The following AGPS variants were observed in gnomAD, a reference collection of about 807,000 sequenced individuals.
AGPS encodes alkyldihydroxyacetonephosphate synthase, peroxisomal.
Under a neutral mutation model 90.7 loss-of-function variants are expected in AGPS, and 26 were observed. That is an observed-to-expected ratio of 0.29 (90% confidence interval 0.21 to 0.40). The LOEUF is 0.40. AGPS is among the 10% of genes least tolerant of loss of function. The pLI is 1.00. For synonymous variants in AGPS, 294 were observed against 285.3 expected (o/e 1.03, Z -0.31); for missense variants, 540 against 816.1 (o/e 0.66, Z 4.12).
chr2:177,497,748 A>C lies in AGPS; in HGVS notation c.1345A>C (p.Lys449Gln), dbSNP rs1267149388. 6.5e-7 allele frequency: 1 copy of C among 1,547,378 alleles called. No homozygotes were observed. The highest frequency in any genetic ancestry group is 8.9e-7 in the Non-Finnish European group (1 of 1,124,716). The stretch of plus-strand genomic sequence containing the variant: ...TACATCATTTTTGGACGGATTAAAA[A>C]AGTTTTATATTACAAAGGTAAGAAT... ...IFTSFLDGLK[K>Q]FYITKFKGFD... Residue 449 changes from lysine to glutamine, a missense_variant, in exon 13 of 20, where the codon AAG (lysine) becomes CAG (glutamine). Physicochemically the swap from Lys to Gln is moderately conservative, Grantham distance 53. Transcript: ENST00000264167.
At chr2:177,515,405 T>C (rs578006706) in intron 17 of AGPS, among the ~76,000 whole-genome samples, 48 of 152,302 alleles carry the variant, frequency 3.2e-4, no homozygotes, top group African/African-American at 1.1e-3. Flanking sequence ...TATTCTTGTG[T>C]AGTTGAGAAA....
intron 8 of AGPS, among the ~76,000 whole-genome samples, chr2:177,452,697 A>G (rs951285660): frequency 1.3e-5 from 2 of 151,882 alleles, no homozygotes; most frequent in Non-Finnish European, 2.9e-5. Context: ...TTTAGTTTAA[A>G]TCTGTCATCT....
At chr2:177,514,741 G>A (rs1338690172) in intron 17 of AGPS, among the ~76,000 whole-genome samples, 1 of 151,908 alleles carries the variant, frequency 6.6e-6, no homozygotes, top group Non-Finnish European at 1.5e-5. Context: ...TGTTCCCATT[G>A]GGAAGAGATA....
intron 19 of AGPS, among the ~76,000 whole-genome samples, chr2:177,525,916 C>T (rs1368127629): frequency 2.0e-5 from 3 of 152,094 alleles, no homozygotes; most frequent in African/African-American, 4.8e-5. Context: ...TCAGATGTAC[C>T]CCAGACACTG....
At chr2:177,499,783 A>C (rs552049948) in intron 14 of AGPS, 53 bp downstream of exon 14, 16 of 1,179,358 alleles carry the variant, frequency 1.4e-5, no homozygotes, top group Non-Finnish European at 1.8e-5. Context: ...CTAAGATTCT[A>C]ATATCACCAA....
At chr2:177,400,634 G>A (rs1685306983) in intron 1 of AGPS, among the ~76,000 whole-genome samples, 1 of 152,126 alleles carries the variant, frequency 6.6e-6, no homozygotes, top group Admixed American at 6.5e-5. Context: ...TTATATGATT[G>A]CATATAACAT....
At chr2:177,491,767 C>G (rs940197852) in intron 11 of AGPS, among the ~76,000 whole-genome samples, 7 of 116,040 alleles carry the variant, frequency 6.0e-5, no homozygotes, top group African/African-American at 2.0e-4. Context: ...CCTTCCCCCC[C>G]CCCCCCTTTT....
intron 2 of AGPS, among the ~76,000 whole-genome samples, chr2:177,432,334 AAAG>A (rs1686267469): frequency 1.3e-5 from 2 of 152,208 alleles, no homozygotes; most frequent in Non-Finnish European, 2.9e-5. Context: ...CAGTCATGGA[AAAG>A]AAGAAGATCC....
At chr2:177,400,749 G>A (rs1324603689) in intron 1 of AGPS, among the ~76,000 whole-genome samples, 1 of 152,182 alleles carries the variant, frequency 6.6e-6, no homozygotes, top group Non-Finnish European at 1.5e-5. Flanking sequence ...TCTATTTATA[G>A]TTGCTGTGTC....
At chr2:177,432,891 C>A (rs1440787371) in intron 2 of AGPS, among the ~76,000 whole-genome samples, 1 of 152,172 alleles carries the variant, frequency 6.6e-6, no homozygotes, top group East Asian at 1.9e-4. Flanking sequence ...AAACTGAAAG[C>A]AAGAGAGAGA....
intron 7 of AGPS, among the ~76,000 whole-genome samples, chr2:177,443,698 G>T (rs1237322716): frequency 1.3e-5 from 2 of 152,170 alleles, no homozygotes; most frequent in Admixed American, 6.5e-5. Context: ...TTATTTTATT[G>T]TAAGGTTCCC....
chr2:177,498,951 C>T (rs1688483995), intron 13 of AGPS, among the ~76,000 whole-genome samples: 1 of 151,702 alleles, frequency 6.6e-6, no homozygotes, highest in Non-Finnish European at 1.5e-5. Flanking sequence ...ACCTATTATT[C>T]TAGAAAAATT....
intron 2 of AGPS, among the ~76,000 whole-genome samples, chr2:177,429,586 TGTTTG>T (rs1686179485): frequency 2.0e-5 from 3 of 152,164 alleles, no homozygotes; most frequent in Admixed American, 1.3e-4. Context: ...TGCTGTGGTT[TGTTTG>T]GGGATTGCTC....
chr2:177,459,369 T>C lies in AGPS; in HGVS notation c.871-2524T>C, dbSNP rs145551327. Among the ~76,000 whole-genome samples the C allele has an allele frequency of 8.0e-3, 1,222 of 152,238 alleles. 15 individuals are homozygous for C. Among genetic ancestry groups the C allele is most frequent in the African/African-American group, 0.027 (1,138 of 41,544 alleles). The stretch of plus-strand genomic sequence containing the variant: ...TTCTGCACAGCAAAAGAAACTATCA[T>C]CAGAGTGAACAGGCAACCTACAGAA... On this transcript the variant is annotated intron_variant, in intron 8 of 19. Transcript: ENST00000264167.
chr2:177,404,949 T>C (rs1685425154), intron 1 of AGPS, among the ~76,000 whole-genome samples: 2 of 152,192 alleles, frequency 1.3e-5, no homozygotes, highest in South Asian at 4.1e-4. Flanking sequence ...GGATATTTGT[T>C]ATAAGTATTA....
intron 10 of AGPS, among the ~76,000 whole-genome samples, chr2:177,480,048 C>G (rs559693030): frequency 6.6e-6 from 1 of 151,964 alleles, no homozygotes; most frequent in African/African-American, 2.4e-5. Flanking sequence ...GGCATGGTGG[C>G]GCATGTCTGT....
chr2:177,533,566 A>AATT (rs1480287254), intron 19 of AGPS, among the ~76,000 whole-genome samples: 1 of 152,194 alleles, frequency 6.6e-6, no homozygotes, highest in Non-Finnish European at 1.5e-5. Flanking sequence ...TGGATCTCTA[A>AATT]AGAGAACTTT....
At chr2:177,463,978 G>T (rs1687372893) in intron 9 of AGPS, among the ~76,000 whole-genome samples, 1 of 152,060 alleles carries the variant, frequency 6.6e-6, no homozygotes, top group Non-Finnish European at 1.5e-5. Flanking sequence ...TTTCGCTCTT[G>T]TTGCCCAGGC....
At chr2:177,446,700 AAG>A (rs539802342) in intron 8 of AGPS, among the ~76,000 whole-genome samples, 86 of 152,288 alleles carry the variant, frequency 5.6e-4, no homozygotes, top group African/African-American at 2.0e-3. Context: ...AGGGTGGACT[AAG>A]AGACTGCAAC....
Sources: allele counts gnomAD v4.1 joint callset (sites outside exome capture counted in the v4.1 genomes callset), GRCh38; gene constraint gnomAD v4.1.1; transcripts MANE v1.5; gene names NCBI Gene and HGNC (gene_info 2026-07-23, HGNC 2026-07-21).